The following NRG3 variants were observed in gnomAD, a reference collection of about 807,000 sequenced individuals.
NRG3 encodes the protein pro-neuregulin-3, membrane-bound isoform.
Under a neutral mutation model 66.9 loss-of-function variants are expected in NRG3, and 31 were observed. That is an observed-to-expected ratio of 0.46 (90% CI 0.35 to 0.63). The LOEUF is 0.63. NRG3 is among the 20% of genes least tolerant of loss of function. The pLI is 0.00. For synonymous variants in NRG3, 393 were observed against 359.4 expected (o/e 1.09, Z -1.06); for missense variants, 910 against 878.9 (o/e 1.04, Z -0.45).
At chr10:82,140,203 G>A (rs1590261780) in intron 1 of NRG3, among the ~76,000 whole-genome samples, 1 of 152,038 alleles carries the variant, frequency 6.6e-6, no homozygotes, top group African/African-American at 2.4e-5. Context: ...TCGACTCTTT[G>A]CACTCCTTCA....
intron 4 of NRG3, among the ~76,000 whole-genome samples, chr10:82,870,357 C>T (rs1841223264): frequency 6.6e-6 from 1 of 152,094 alleles, no homozygotes; most frequent in African/African-American, 2.4e-5. Flanking sequence ...TAGTTGTTTC[C>T]AACTTTTGAC....
chr10:82,595,388 T>C (rs2047212452), intron 2 of NRG3, among the ~76,000 whole-genome samples: 1 of 152,190 alleles, frequency 6.6e-6, no homozygotes, highest in Non-Finnish European at 1.5e-5. Context: ...CTGACTTCAA[T>C]AGTTTTGATA....
chr10:82,402,098 T>C (rs758540928), intron 2 of NRG3, among the ~76,000 whole-genome samples: 2 of 152,142 alleles, frequency 1.3e-5, no homozygotes, highest in Non-Finnish European at 2.9e-5. Flanking sequence ...GAAACATCTT[T>C]AGAAAGAAAG....
intron 1 of NRG3, among the ~76,000 whole-genome samples, chr10:82,342,912 A>G (rs979563878): frequency 6.6e-6 from 1 of 152,080 alleles, no homozygotes; most frequent in African/African-American, 2.4e-5. Context: ...TTTACATTTC[A>G]GTCTTTAATT....
At chr10:82,418,298 A>G (rs949742006) in intron 2 of NRG3, among the ~76,000 whole-genome samples, 2 of 152,102 alleles carry the variant, frequency 1.3e-5, no homozygotes, top group South Asian at 2.1e-4. Flanking sequence ...GTAAGATCAA[A>G]TCACCCACAA....
At chr10:82,040,373 A>T (rs1004939542) in intron 1 of NRG3, among the ~76,000 whole-genome samples, 2 of 151,036 alleles carry the variant, frequency 1.3e-5, no homozygotes, top group African/African-American at 4.8e-5. Flanking sequence ...ATACATATAT[A>T]TACACTTATA....
At chr10:82,410,270 A>T (rs985986639) in intron 2 of NRG3, among the ~76,000 whole-genome samples, 1 of 152,024 alleles carries the variant, frequency 6.6e-6, no homozygotes, top group African/African-American at 2.4e-5. Context: ...GGTGGATCTT[A>T]TCTTATGTAT....
At position 82,444,034 on chromosome 10, in the gene NRG3, T is replaced by C. The variant is rs146228480; in HGVS notation, c.953+85166T>C. ...TAAATGAAAGAAGAAATGATAAGAC[T>C]ATCAACATTTGGCAGTCCTTCTCCA... On this transcript the variant is annotated intron_variant, in intron 2 of 8. Transcript: ENST00000372141. 5.6e-4 allele frequency among the ~76,000 whole-genome samples: 86 copies of C among 152,328 alleles called. No homozygotes were observed. In the East Asian group the frequency reaches 0.016, roughly 28 times the overall value.
At chr10:82,875,362 A>G (rs1423523830) in intron 4 of NRG3, among the ~76,000 whole-genome samples, 1 of 151,796 alleles carries the variant, frequency 6.6e-6, no homozygotes, top group African/African-American at 2.4e-5. Context: ...CTCTCTTTCT[A>G]TTTTTTATTT....
At chr10:82,621,558 C>T (rs146440331) in intron 2 of NRG3, among the ~76,000 whole-genome samples, 12 of 152,246 alleles carry the variant, frequency 7.9e-5, no homozygotes, top group African/African-American at 2.4e-4. Flanking sequence ...TGGGGATGAT[C>T]AAAAGACAGA....
intron 1 of NRG3, among the ~76,000 whole-genome samples, chr10:82,090,333 G>C (rs1457725916): frequency 2.6e-5 from 4 of 152,158 alleles, no homozygotes; most frequent in African/African-American, 9.6e-5. Context: ...ATTGTTTATA[G>C]CTATCAGAAA....
intron 1 of NRG3, among the ~76,000 whole-genome samples, chr10:81,895,205 C>T (rs971732710): frequency 6.6e-6 from 1 of 152,176 alleles, no homozygotes; most frequent in African/African-American, 2.4e-5. Context: ...GTTAAAAAAT[C>T]TGACCCCATG....
chr10:82,880,040 G>T (rs530296955), intron 4 of NRG3, among the ~76,000 whole-genome samples: 1 of 142,612 alleles, frequency 7.0e-6, no homozygotes, highest in African/African-American at 2.6e-5. Context: ...TATGGGCTCC[G>T]TTTATTGATG....
At chr10:81,947,030 G>A (rs906566860) in intron 1 of NRG3, among the ~76,000 whole-genome samples, 1 of 152,124 alleles carries the variant, frequency 6.6e-6, no homozygotes, top group Admixed American at 6.6e-5. Context: ...CCAAGGTCTG[G>A]AGTCCAGGCA....
intron 2 of NRG3, among the ~76,000 whole-genome samples, chr10:82,728,595 A>T (rs960763472): frequency 1.3e-5 from 2 of 152,156 alleles, no homozygotes; most frequent in Non-Finnish European, 2.9e-5. Flanking sequence ...AGTCTTGGGT[A>T]TGTCTTTATC....
chr10:82,804,638 G>A (rs2061200522), intron 3 of NRG3, among the ~76,000 whole-genome samples: 1 of 152,116 alleles, frequency 6.6e-6, no homozygotes, highest in Non-Finnish European at 1.5e-5. Context: ...GTAAAGTGAG[G>A]TTTAAATGAG....
chr10:82,717,511 TG>T (rs2057048400), intron 2 of NRG3, among the ~76,000 whole-genome samples: 1 of 146,254 alleles, frequency 6.8e-6, no homozygotes, highest in Non-Finnish European at 1.5e-5. Context: ...GCCATCCTCC[TG>T]CCTCAGCCTC....
chr10:82,044,596 T>A (rs1384349996), intron 1 of NRG3, among the ~76,000 whole-genome samples: 1 of 152,036 alleles, frequency 6.6e-6, no homozygotes, highest in African/African-American at 2.4e-5. Flanking sequence ...ATTATTATAC[T>A]TTAAGTTTTA....
chr10:82,060,328 A>G (rs1038779181), intron 1 of NRG3, among the ~76,000 whole-genome samples: 1 of 152,254 alleles, frequency 6.6e-6, no homozygotes, highest in Non-Finnish European at 1.5e-5. Context: ...AGGAGGATAG[A>G]GAATTACAGA....
Sources: allele counts gnomAD v4.1 joint callset (sites outside exome capture counted in the v4.1 genomes callset), GRCh38; gene constraint gnomAD v4.1.1; transcripts MANE v1.5; gene names NCBI Gene and HGNC (gene_info 2026-07-23, HGNC 2026-07-21).